Variants in UPF3A observed in about 807,000 individuals in gnomAD.
UPF3A encodes the protein regulator of nonsense transcripts 3A.
A neutral mutation model predicts 53.5 loss-of-function variants in UPF3A; 42 were observed. The observed-to-expected ratio is 0.78, with a 90% CI of 0.61 to 1.01. The LOEUF is 1.01. Ranked by LOEUF, UPF3A falls within the 50% of genes least tolerant of loss-of-function variation. The pLI, the probability that UPF3A is intolerant of heterozygous loss-of-function variation, is 0.00. For synonymous variants in UPF3A, 237 were observed against 225.3 expected (o/e 1.05, Z -0.47); for missense variants, 575 against 598.0 (o/e 0.96, Z 0.40).
chr13:114,290,150 G>A (rs190747255), intron 5 of UPF3A, among the ~76,000 whole-genome samples: 1 of 152,190 alleles, frequency 6.6e-6, no homozygotes, highest in Non-Finnish European at 1.5e-5. Context: ...TGTCTGCCAC[G>A]AAATGTGGCA....
intron 5 of UPF3A, among the ~76,000 whole-genome samples, chr13:114,288,697 G>A (rs1318470776): frequency 6.6e-6 from 1 of 152,206 alleles, no homozygotes; most frequent in Non-Finnish European, 1.5e-5. Context: ...TTTTGGAGGT[G>A]GGCTGGACAG....
In UPF3A at chr13:114,299,007, G is replaced by T; in HGVS notation, c.1007+7G>T. On this transcript the variant is annotated splice_region_variant and intron_variant, in intron 8 of 9. Coordinates refer to ENST00000375299, the MANE Select transcript of UPF3A (RefSeq NM_023011.4). Reference sequence around the variant, plus strand: ...TGGAGGAGCCCCAGGAGACGTGAGCGTGCTTTCATTGTTATGACCACGTCA... The same window carrying T: ...TGGAGGAGCCCCAGGAGACGTGAGCTTGCTTTCATTGTTATGACCACGTCA... 1 of 1,589,572 alleles carries T rather than the reference G, an allele frequency of 6.3e-7. No homozygotes were observed. The highest frequency in any genetic ancestry group is 8.5e-7 in the Non-Finnish European group (1 of 1,171,366).
intron 7 of UPF3A, among the ~76,000 whole-genome samples, chr13:114,298,024 A>G (rs1450096654): frequency 6.6e-6 from 1 of 151,720 alleles, no homozygotes; most frequent in Non-Finnish European, 1.5e-5. Flanking sequence ...GGAAATAATC[A>G]CTATTAATAC....
intron 5 of UPF3A, among the ~76,000 whole-genome samples, chr13:114,288,752 A>G (rs909188174): frequency 6.6e-6 from 1 of 152,152 alleles, no homozygotes; most frequent in African/African-American, 2.4e-5. Flanking sequence ...GACAGGAAGA[A>G]TTAAGACTCC....
At chr13:114,300,298 C>G (rs978933754) in intron 8 of UPF3A, among the ~76,000 whole-genome samples, 1 of 152,236 alleles carries the variant, frequency 6.6e-6, no homozygotes, top group African/African-American at 2.4e-5. Flanking sequence ...AGGACAGCCA[C>G]TGGACCACTT....
At chr13:114,284,562 C>A (rs1401105248) in intron 3 of UPF3A, among the ~76,000 whole-genome samples, 4 of 150,786 alleles carry the variant, frequency 2.7e-5, no homozygotes, top group African/African-American at 7.3e-5. Flanking sequence ...AGCCAGGCAT[C>A]ATGAGGCATG....
intron 9 of UPF3A, among the ~76,000 whole-genome samples, chr13:114,304,390 C>G (rs2086855650): frequency 6.6e-6 from 1 of 152,190 alleles, no homozygotes; most frequent in South Asian, 2.1e-4. Context: ...AGTCTCCCTG[C>G]TGGTACATGC....
chr13:114,289,583 G>A (rs1274076662), intron 5 of UPF3A, among the ~76,000 whole-genome samples: 1 of 151,040 alleles, frequency 6.6e-6, no homozygotes, highest in African/African-American at 2.4e-5. Flanking sequence ...TCTTTTCTAA[G>A]CTTTTGGCCT....
intron 7 of UPF3A, among the ~76,000 whole-genome samples, chr13:114,294,817 T>C (rs2085685596): frequency 6.7e-6 from 1 of 149,758 alleles, no homozygotes; most frequent in Non-Finnish European, 1.5e-5. Flanking sequence ...AGAGCGAGAC[T>C]CCGTCTCAAA....
At chr13:114,298,034 C>T (rs945521491) in intron 7 of UPF3A, among the ~76,000 whole-genome samples, 3 of 151,440 alleles carry the variant, frequency 2.0e-5, no homozygotes, top group African/African-American at 7.3e-5. Flanking sequence ...ACTATTAATA[C>T]AGTGCTGCAG....
rs773099973 is a variant in UPF3A at position 114,282,838 on chromosome 13, CTT to C, written c.318_319del (p.Tyr107SerfsTer10). The C allele has an allele frequency of 1.2e-6, 2 of 1,602,804 alleles. No homozygotes were observed. Among genetic ancestry groups the C allele is most frequent in the Non-Finnish European group, 1.7e-6 (2 of 1,172,864 alleles). On this transcript the variant is annotated frameshift_variant and splice_region_variant, in exon 3 of 10. Transcript: ENST00000375299. LOFTEE classifies it high-confidence loss of function. ...TTTCACTGTTATCTCTTATTTCAGT[CTT>C]TATCCTCATCTCTACTCAAGAGCAT... Reference protein sequence around the residue: ...YFEFFAADLSLYPHLYSRAYI... With the variant: ...YFEFFAADLSXYPHLYSRAYI...
intron 7 of UPF3A, among the ~76,000 whole-genome samples, chr13:114,298,450 G>A (rs1158326426): frequency 6.6e-6 from 1 of 152,122 alleles, no homozygotes; most frequent in Non-Finnish European, 1.5e-5. Context: ...GGAGGCAGGA[G>A]AATCACTTGA....
At chr13:114,294,366 T>C (rs954584234) in intron 7 of UPF3A, among the ~76,000 whole-genome samples, 15 of 151,410 alleles carry the variant, frequency 9.9e-5, no homozygotes, top group Non-Finnish European at 2.2e-4. Flanking sequence ...CCTCCCAGGC[T>C]CAAGTGATCC....
At chr13:114,286,692 T>G in intron 5 of UPF3A, 63 bp downstream of exon 5, 5 of 1,300,024 alleles carry the variant, frequency 3.8e-6, no homozygotes, top group Non-Finnish European at 5.3e-6. Context: ...GGATATACGT[T>G]TTTTCTCTTT....
intron 3 of UPF3A, 43 bp from the exon 4 acceptor site, chr13:114,286,259 T>C (rs2084679448): frequency 6.2e-7 from 1 of 1,607,010 alleles, no homozygotes; most frequent in South Asian, 1.1e-5. Flanking sequence ...ATGAATGTAG[T>C]AGAATTTCAG....
intron 7 of UPF3A, among the ~76,000 whole-genome samples, chr13:114,298,401 A>G (rs2464271): frequency 0.53 from 79,779 of 151,048 alleles, 23,154 homozygotes; most frequent in African/African-American, 0.78. Flanking sequence ...TTAGACGGGT[A>G]TGGTGGCGCA....
chr13:114,281,650 A>T lies in UPF3A; in HGVS notation c.11A>T (p.Glu4Val), dbSNP rs1023469713. Residue 4 changes from glutamate (E) to valine (V), a missense_variant, in exon 1 of 10, where the codon GAA becomes GTA. Coordinates refer to ENST00000375299, the MANE Select transcript of UPF3A (RefSeq NM_023011.4). MRS[E>V]KEGAGGLRAA... ...GGCGGAGAGTGCGGCATGCGCTCGG[A>T]AAAGGAGGGGGCCGGAGGCCTTCGG... is the stretch of plus-strand genomic sequence containing the variant. The T allele has an allele frequency of 6.7e-7, 1 of 1,489,104 alleles. No homozygotes were observed. Among genetic ancestry groups the T allele is most frequent in the Non-Finnish European group, 8.9e-7 (1 of 1,120,528 alleles). 92.2% of individuals were successfully genotyped at this position (1,489,104 alleles called of 1,614,324 possible).
intron 8 of UPF3A, 142 bp downstream of exon 8, chr13:114,299,142 C>T (rs1010231519): frequency 3.7e-6 from 3 of 801,772 alleles, no homozygotes; most frequent in Non-Finnish European, 5.3e-6. Flanking sequence ...GCCTTCATTT[C>T]CCATCAGCAT....
chr13:114,286,601 G>A lies in UPF3A; in HGVS notation c.603G>A (p.Glu201=). Residue 201 remains glutamate (E), a synonymous_variant, in exon 5 of 10, where the codon GAG becomes GAA. Transcript: ENST00000375299. ...TSANPETLLG[E]MEAKTRELIA... ...CCAACCCTGAGACTCTGCTGGGGGA[G>A]ATGGAGGCGAAGACAAGAGAGCTCA... 4 of 1,613,544 alleles carry A rather than the reference G, an allele frequency of 2.5e-6. No homozygotes were observed. The highest frequency in any genetic ancestry group is 2.5e-6 in the Non-Finnish European group (3 of 1,179,782).
Sources: gnomAD v4.1 joint callset for allele counts (sites outside exome capture counted in the v4.1 genomes callset) on GRCh38, gnomAD v4.1.1 for gene constraint, MANE v1.5 for transcripts, NCBI Gene and HGNC (gene_info 2026-07-23, HGNC 2026-07-21) for gene names.